The following SERPINE2 variants were observed in gnomAD, a reference collection of about 807,000 sequenced individuals.
SERPINE2 encodes serpin family E member 2.
SERPINE2 carries 14 observed loss-of-function variants against 36.3 expected under a neutral mutation model. The observed-to-expected ratio is 0.39, with a 90% CI of 0.25 to 0.60. The LOEUF is 0.60. Among genes scored for constraint, SERPINE2 ranks in the 20% least tolerant of loss-of-function variants. The pLI is 0.57. For missense variants in SERPINE2, 418 were observed against 499.6 expected, an observed-to-expected ratio of 0.84 and a Z score of 1.56; for synonymous variants, 192 against 191.8, an observed-to-expected ratio of 1.00 and a Z score of -0.01.
chr2:223,998,467 C>T (rs112551871), intron 2 of SERPINE2, 125 bp from the exon 3 acceptor site: 2 of 676,434 alleles, frequency 3.0e-6, no homozygotes, highest in African/African-American at 1.8e-5. Context: ...CCTGTAATCC[C>T]AGCAATTTGA....
Position 224,001,776 on chromosome 2 carries a change from A to G in SERPINE2, c.125T>C (p.Ile42Thr), listed in dbSNP as rs1274659435. 1 of 1,613,880 alleles carries G rather than the reference A, an allele frequency of 6.2e-7. No individual in the cohort carries two copies. The highest frequency in any genetic ancestry group is 1.3e-5 in the African/African-American group (1 of 74,838). Residue 42 changes from isoleucine (I) to threonine (T), a missense_variant, in exon 2 of 9, where the codon ATT (isoleucine) becomes ACT (threonine). By Grantham distance (89) the Ile-to-Thr change is moderately conservative. Coordinates refer to ENST00000409304, the MANE Select transcript of SERPINE2 (RefSeq NM_001136528.2). Reference sequence around the variant, plus strand: ...GTTGTCATGAGGCCTCGACTTCACAATCTGATTGAAAACCTGGATCCCCGT... The same window carrying G: ...GTTGTCATGAGGCCTCGACTTCACAGTCTGATTGAAAACCTGGATCCCCGT... ...SNTGIQVFNQ[I>T]VKSRPHDNIV...
chr2:224,028,080 G>A (rs1317191893), intron 1 of SERPINE2, among the ~76,000 whole-genome samples: 5 of 152,182 alleles, frequency 3.3e-5, no homozygotes, highest in Non-Finnish European at 5.9e-5. Context: ...CAAGTTATGT[G>A]GGCCGCTAAG....
chr2:223,995,477 G>T (rs374433203), intron 3 of SERPINE2, among the ~76,000 whole-genome samples: 11 of 152,344 alleles, frequency 7.2e-5, no homozygotes, highest in African/African-American at 2.6e-4. Flanking sequence ...CCCACCCAAT[G>T]AAGAATTGTG....
chr2:224,024,172 C>G (rs530115690), intron 1 of SERPINE2, among the ~76,000 whole-genome samples: 1 of 152,296 alleles, frequency 6.6e-6, no homozygotes, highest in South Asian at 2.1e-4. Context: ...AAGACAACTT[C>G]CACTTTAAGA....
rs557907446 is a variant in SERPINE2 at position 224,022,127 on chromosome 2, C to A, written c.-23+16972G>T. 2.4e-3 allele frequency among the ~76,000 whole-genome samples: 332 copies of A among 138,236 alleles called. 3 individuals carry two copies. Among genetic ancestry groups the A allele is most frequent in the African/African-American group, 8.2e-3 (318 of 38,692 alleles). The allele number at this position is 138,236 out of a possible 152,430, so 90.7% of individuals were successfully genotyped here. On this transcript the variant is annotated intron_variant, in intron 1 of 8. Coordinates refer to ENST00000409304, the MANE Select transcript of SERPINE2 (RefSeq NM_001136528.2). ...TGAGCTGAGATCACACCACTGCACTCCAGCCTGGGCAACAGAGCGAGACTC... is the reference window on the plus strand; with the variant it reads ...TGAGCTGAGATCACACCACTGCACTACAGCCTGGGCAACAGAGCGAGACTC...
At chr2:224,024,384 A>G (rs974369541) in intron 1 of SERPINE2, among the ~76,000 whole-genome samples, 27 of 152,222 alleles carry the variant, frequency 1.8e-4, no homozygotes, top group African/African-American at 6.0e-4. Flanking sequence ...CATGGTTCCG[A>G]ACCTGGATTT....
chr2:223,991,786 G>A lies in SERPINE2; in HGVS notation c.685+17C>T, dbSNP rs6712806. 2.5e-3 allele frequency: 4,033 copies of A among 1,612,890 alleles called. 87 individuals carry two copies. The African/African-American group carries it at 0.048, about 19-fold the overall frequency. Reference sequence around the variant, plus strand: ...GCCAGCACATCCTAGAACAGGCTTCGCTGAGCATGAACTCACCACACCGGA... The same window carrying A: ...GCCAGCACATCCTAGAACAGGCTTCACTGAGCATGAACTCACCACACCGGA... On this transcript the variant is annotated intron_variant, in intron 4 of 8. Transcript: ENST00000409304.
At chr2:224,004,643 C>T (rs1338145702) in intron 1 of SERPINE2, among the ~76,000 whole-genome samples, 1 of 151,990 alleles carries the variant, frequency 6.6e-6, no homozygotes, top group African/African-American at 2.4e-5. Flanking sequence ...TGTGTTCTCC[C>T]CTTCCTTCCT....
chr2:224,004,228 C>T (rs968912557), intron 1 of SERPINE2, among the ~76,000 whole-genome samples: 1 of 152,216 alleles, frequency 6.6e-6, no homozygotes, highest in Non-Finnish European at 1.5e-5. Flanking sequence ...ACCATCACAT[C>T]GAGCAAGGAC....
intron 1 of SERPINE2, among the ~76,000 whole-genome samples, chr2:224,015,812 T>C (rs1691782021): frequency 6.6e-6 from 1 of 152,082 alleles, no homozygotes; most frequent in Admixed American, 6.5e-5. Context: ...CTCATCAAAA[T>C]GAAAAGTTTT....
At chr2:224,031,999 C>A (rs564310040) in intron 1 of SERPINE2, among the ~76,000 whole-genome samples, 10 of 152,190 alleles carry the variant, frequency 6.6e-5, no homozygotes, top group Non-Finnish European at 1.0e-4. Flanking sequence ...TGGGCAGTGT[C>A]AGCCAACAGC....
Position 223,975,793 on chromosome 2 carries a change from T to C in SERPINE2, c.*74A>G. ...TGTACAAAAATATTTAACAGAACTATGAAAGATGCAGGAAAGGAGTCTTTC... is the reference window on the plus strand; with the variant it reads ...TGTACAAAAATATTTAACAGAACTACGAAAGATGCAGGAAAGGAGTCTTTC... On this transcript the variant is annotated 3_prime_UTR_variant, in exon 9 of 9. Transcript: ENST00000409304. 2.4e-6 allele frequency: 3 copies of C among 1,234,194 alleles called. No homozygotes were observed. The highest frequency in any genetic ancestry group is 2.9e-5 in the South Asian group (2 of 68,898). The allele number at this position is 1,234,194 out of a possible 1,614,324, so 76.5% of individuals were successfully genotyped here. A position where few individuals can be genotyped will look rare whatever the true frequency, so the allele number is the denominator to read the frequency against.
chr2:224,004,325 T>C (rs1691308821), intron 1 of SERPINE2, among the ~76,000 whole-genome samples: 1 of 152,234 alleles, frequency 6.6e-6, no homozygotes, highest in African/African-American at 2.4e-5. Flanking sequence ...CAGCTGATGT[T>C]GCAAGTTTCT....
intron 1 of SERPINE2, among the ~76,000 whole-genome samples, chr2:224,035,861 G>A (rs186017231): frequency 8.3e-4 from 126 of 152,272 alleles, no homozygotes; most frequent in Middle Eastern, 3.4e-3. Flanking sequence ...TGACTAGAGC[G>A]GACCTTTGTG....
chr2:224,002,206 A>C (rs141452949), intron 1 of SERPINE2, among the ~76,000 whole-genome samples: 3 of 151,842 alleles, frequency 2.0e-5, no homozygotes, highest in African/African-American at 4.8e-5. Context: ...CAAACTCCTG[A>C]CCTCAAGTGA....
At position 223,984,874 on chromosome 2, in the gene SERPINE2, C is replaced by A; in HGVS notation, c.762G>T (p.Leu254=). 1 of 1,614,184 alleles carries A rather than the reference C, an allele frequency of 6.2e-7. No individual in the cohort carries two copies. The highest frequency in any genetic ancestry group is 1.7e-4 in the Middle Eastern group (1 of 6,058). ...TGGAGCTCTCAGTCGGCAGTGCAAT[C>A]AGCATGCTGATGCTTTCCCCGTGGT... ...LPYHGESISM[L]IALPTESSTP... The change falls in exon 5 of 9, where the codon CTG becomes CTT. Residue 254 remains leucine (L), a synonymous_variant. Coordinates refer to ENST00000409304, the MANE Select transcript of SERPINE2 (RefSeq NM_001136528.2).
chr2:224,034,857 T>C (rs1199125321), intron 1 of SERPINE2, among the ~76,000 whole-genome samples: 1 of 152,306 alleles, frequency 6.6e-6, no homozygotes, highest in Non-Finnish European at 1.5e-5. Flanking sequence ...AGCAGGACTG[T>C]CATCAACACT....
At chr2:224,021,930 C>T (rs1031247640) in intron 1 of SERPINE2, among the ~76,000 whole-genome samples, 6 of 152,026 alleles carry the variant, frequency 3.9e-5, no homozygotes, top group South Asian at 2.1e-4. Context: ...GAGGCCGAGG[C>T]GGGCAGATCA....
intron 4 of SERPINE2, among the ~76,000 whole-genome samples, chr2:223,991,314 G>A (rs76338368): frequency 0.18 from 27,667 of 152,084 alleles, 2,693 homozygotes; most frequent in Non-Finnish European, 0.21. Context: ...GGAAGTCCTC[G>A]GACCACAGAT....
Sources: allele counts gnomAD v4.1 joint callset (sites outside exome capture counted in the v4.1 genomes callset), GRCh38; gene constraint gnomAD v4.1.1; transcripts MANE v1.5; gene names NCBI Gene and HGNC (gene_info 2026-07-23, HGNC 2026-07-21).